STIL: variants seen among roughly 807,000 people sequenced by gnomAD.
STIL encodes the protein STIL centriolar assembly protein, also known as SCL-interrupting locus protein.
A neutral mutation model predicts 110.1 loss-of-function variants in STIL; 55 were observed. The ratio of observed to expected loss-of-function variants is 0.50; its 90% confidence interval spans 0.40 to 0.63. STIL has a LOEUF of 0.63. Ranked by LOEUF, STIL falls within the 20% of genes least tolerant of loss-of-function variation. The probability of loss-of-function intolerance (pLI) is 0.00; values close to 1 mark genes in which losing one functional copy is unlikely to be tolerated. For synonymous variants in STIL, 481 were observed against 530.0 expected (o/e 0.91, Z 1.27); for missense variants, 1,358 against 1,530.0 (o/e 0.89, Z 1.87).
chr1:47,264,930 T>TAAAAAAAAAAAA (rs35230201), intron 14 of STIL, among the ~76,000 whole-genome samples: 1 of 128,848 alleles, frequency 7.8e-6, no homozygotes, highest in African/African-American at 3.0e-5. Context: ...TTTCTAAAGT[T>TAAAAAAAAAAAA]AAAAAAAAAA....
At chr1:47,300,240 TATA>T (rs1645764410) in intron 5 of STIL, 88 bp from the exon 6 acceptor site, 2 of 1,248,082 alleles carry the variant, frequency 1.6e-6, no homozygotes, top group East Asian at 2.5e-5. Flanking sequence ...CATATACATA[TATA>T]ATATCTTGCA....
chr1:47,304,591 G>A lies in STIL; in HGVS notation c.152+298C>T, dbSNP rs12131978. Among the ~76,000 whole-genome samples the A allele has an allele frequency of 0.26, 38,756 of 151,962 alleles. 5,300 individuals are homozygous for A. The highest frequency in any genetic ancestry group is 0.32 in the Non-Finnish European group (21,551 of 67,942). ...CAAAAATTGGTTCAAGCTTCTCAACGTTCCACAAAGACACCATGCTGACAT... is the reference window on the plus strand; with the variant it reads ...CAAAAATTGGTTCAAGCTTCTCAACATTCCACAAAGACACCATGCTGACAT... On this transcript the variant is annotated intron_variant, in intron 3 of 16. Coordinates refer to ENST00000371877, the MANE Select transcript of STIL (RefSeq NM_001048166.1).
chr1:47,298,736 G>GT (rs201792683), intron 6 of STIL, among the ~76,000 whole-genome samples: 1,822 of 150,142 alleles, frequency 0.012, 38 homozygotes, highest in East Asian at 0.075. Flanking sequence ...CAACCAATTT[G>GT]TTTTTTTTTG....
chr1:47,293,303 T>C (rs1410604081), intron 8 of STIL, among the ~76,000 whole-genome samples, 155 bp downstream of exon 8: 1 of 152,186 alleles, frequency 6.6e-6, no homozygotes, highest in East Asian at 1.9e-4. Context: ...CTGGTTTTAT[T>C]CTCATTTAAT....
intron 14 of STIL, 68 bp downstream of exon 14, chr1:47,269,564 AATT>A (rs1485062863): frequency 3.6e-6 from 4 of 1,103,320 alleles, no homozygotes; most frequent in Admixed American, 3.8e-5. Context: ...AAATATATAC[AATT>A]ATTATTTGTC....
rs1203905291 is a variant in STIL at position 47,304,959 on chromosome 1, G to C, written c.82C>G (p.Pro28Ala). The C allele has an allele frequency of 6.2e-7, 1 of 1,614,040 alleles. No individual in the cohort carries two copies. Among genetic ancestry groups the C allele is most frequent in the Admixed American group, 1.7e-5 (1 of 60,012 alleles). Reference protein sequence around the residue: ...SSRMVPFHFPPSKCALWNPTP... With the variant: ...SSRMVPFHFPASKCALWNPTP... ...GGGTTCCAAAGTGCACATTTTGATGGAGGAAAGTGGAAAGGTACCATCCTG... is the reference window on the plus strand; with the variant it reads ...GGGTTCCAAAGTGCACATTTTGATGCAGGAAAGTGGAAAGGTACCATCCTG... The change falls in exon 3 of 17, where the codon CCA becomes GCA. Residue 28 changes from proline (P) to alanine (A), a missense_variant. Physicochemically the swap from Pro to Ala is conservative, Grantham distance 27. Transcript: ENST00000371877.
intron 12 of STIL, among the ~76,000 whole-genome samples, chr1:47,276,800 T>A (rs1365232552): frequency 1.5e-4 from 10 of 64,806 alleles, no homozygotes; most frequent in African/African-American, 2.4e-4. Context: ...GGTGAAAGAG[T>A]AAAACTCTGC....
At chr1:47,259,494 T>G (rs1439784847) in intron 16 of STIL, among the ~76,000 whole-genome samples, 1 of 151,598 alleles carries the variant, frequency 6.6e-6, no homozygotes, top group Admixed American at 6.6e-5. Context: ...TTTCACCATC[T>G]TGGCCAGGCT....
intron 10 of STIL, among the ~76,000 whole-genome samples, chr1:47,286,652 C>T (rs1354462950): frequency 2.6e-5 from 4 of 151,602 alleles, no homozygotes; most frequent in Non-Finnish European, 5.9e-5. Context: ...CTGAGATACG[C>T]CACTGCACTC....
Position 47,310,390 on chromosome 1 carries a change from T to A in STIL, c.-43-28A>T. 7.2e-7 allele frequency: 1 copy of A among 1,396,978 alleles called. No individual in the cohort carries two copies. The highest frequency in any genetic ancestry group is 2.3e-5 in the East Asian group (1 of 43,178). 86.5% of individuals were successfully genotyped at this position (1,396,978 alleles called of 1,614,324 possible). Reference sequence around the variant, plus strand: ...AAAGAATTAAAGAGAATATTACTAATGAATGATAAAAACAAAGAAGAAAAA... The same window carrying A: ...AAAGAATTAAAGAGAATATTACTAAAGAATGATAAAAACAAAGAAGAAAAA... On this transcript the variant is annotated intron_variant, in intron 1 of 16. Transcript: ENST00000371877.
At position 47,282,170 on chromosome 1, in the gene STIL, T is replaced by C. The variant is rs537284509; in HGVS notation, c.1248+175A>G. ...TCATTACATATAATATGAATTATTA[T>C]ATATAACTGTGAAATACTTATATCT... On this transcript the variant is annotated intron_variant, in intron 11 of 16. Coordinates refer to ENST00000371877, the MANE Select transcript of STIL (RefSeq NM_001048166.1). Among the ~76,000 whole-genome samples, 56 of 152,174 alleles carry C rather than the reference T, an allele frequency of 3.7e-4. 1 individual carries two copies. Among genetic ancestry groups the C allele is most frequent in the African/African-American group, 1.2e-3 (50 of 41,536 alleles).
At chr1:47,291,708 G>A (rs929564742) in intron 8 of STIL, among the ~76,000 whole-genome samples, 5 of 152,002 alleles carry the variant, frequency 3.3e-5, no homozygotes, top group African/African-American at 7.2e-5. Context: ...TGGGATTACC[G>A]GCATGCTCTA....
In STIL at chr1:47,280,985, C is replaced by T. The variant is rs763868796; in HGVS notation, c.1473G>A (p.Gln491=). ...AAAGAGCTGGTTTATCCTGGTTTAA[C>T]TGATTTGGTATTCCTCTCAAGGAAG... ...GEPSLRGIPN[Q]LNQDKPALLR... The change falls in exon 12 of 17, where the codon CAG becomes CAA. Residue 491 remains glutamine (Q), a synonymous_variant. Transcript: ENST00000371877. 33 of 1,613,918 alleles carry T rather than the reference C, an allele frequency of 2.0e-5. No individual in the cohort carries two copies. The highest frequency in any genetic ancestry group is 4.0e-5 in the African/African-American group (3 of 74,890).
chr1:47,272,425 T>C (rs1423992555), intron 12 of STIL, among the ~76,000 whole-genome samples, 184 bp from the exon 13 acceptor site: 2 of 150,804 alleles, frequency 1.3e-5, no homozygotes, highest in African/African-American at 2.4e-5. Flanking sequence ...TCACTAGTTA[T>C]TAAGAAGCAC....
At chr1:47,288,354 C>T (rs1332437642) in intron 9 of STIL, among the ~76,000 whole-genome samples, 2 of 151,506 alleles carry the variant, frequency 1.3e-5, no homozygotes, top group Non-Finnish European at 2.9e-5. Flanking sequence ...TAGAGTGCAG[C>T]GGCACGATCT....
At chr1:47,254,720 A>G (rs973504146) in intron 16 of STIL, among the ~76,000 whole-genome samples, 16 of 152,130 alleles carry the variant, frequency 1.1e-4, no homozygotes, top group Admixed American at 1.0e-3. Flanking sequence ...CTTTTTGTAA[A>G]GATGGGGTCT....
intron 15 of STIL, among the ~76,000 whole-genome samples, chr1:47,261,469 G>A (rs934800562): frequency 1.3e-5 from 2 of 151,744 alleles, no homozygotes; most frequent in African/African-American, 4.8e-5. Context: ...GTACAGGCGT[G>A]TGGCTCAAAC....
At chr1:47,261,511 G>A (rs193007634) in intron 15 of STIL, among the ~76,000 whole-genome samples, 85 of 151,660 alleles carry the variant, frequency 5.6e-4, no homozygotes, top group African/African-American at 2.0e-3. Flanking sequence ...AGGCCAAGGC[G>A]GGCAGATCAC....
intron 5 of STIL, among the ~76,000 whole-genome samples, chr1:47,300,562 G>A (rs12406951): frequency 0.25 from 38,241 of 151,588 alleles, 5,209 homozygotes; most frequent in Non-Finnish European, 0.32. Context: ...TCCACCTCCC[G>A]GTTCAAGCGA....
Sources: gnomAD v4.1 joint callset for allele counts (sites outside exome capture counted in the v4.1 genomes callset) on GRCh38, gnomAD v4.1.1 for gene constraint, MANE v1.5 for transcripts, NCBI Gene and HGNC (gene_info 2026-07-23, HGNC 2026-07-21) for gene names.